The following SNX29 variants were observed in gnomAD, a reference collection of about 807,000 sequenced individuals.
SNX29 encodes the protein sorting nexin 29, also known as sorting nexin-29.
Under a neutral mutation model 102.1 loss-of-function variants are expected in SNX29, and 78 were observed. The observed-to-expected ratio is 0.76, with a 90% CI of 0.64 to 0.92. The LOEUF is 0.92. SNX29 is among the 40% of genes least tolerant of loss of function. The pLI, the probability that SNX29 is intolerant of heterozygous loss-of-function variation, is 0.00. For synonymous variants in SNX29, 580 were observed against 414.5 expected (o/e 1.40, Z -4.85); for missense variants, 1,280 against 1,061.7 (o/e 1.21, Z -2.86).
chr16:12,482,563 A>G (rs942373538), intron 19 of SNX29, among the ~76,000 whole-genome samples: 1 of 152,172 alleles, frequency 6.6e-6, no homozygotes, highest in Non-Finnish European at 1.5e-5. Flanking sequence ...CAGCCACCCA[A>G]AGTGCTGGGA....
In SNX29 at chr16:12,569,522, A is replaced by G. The variant is rs1049919493; in HGVS notation, c.*893A>G. ...GGTTTTCAAACCAGGCTCCATGACT[A>G]TGAAGTTGGACCCAGTGTGGACACT... On this transcript the variant is annotated 3_prime_UTR_variant, in exon 21 of 21. Coordinates refer to ENST00000566228, the MANE Select transcript of SNX29 (RefSeq NM_032167.5). 6 of 231,366 alleles carry G rather than the reference A, an allele frequency of 2.6e-5. No homozygotes were observed. Among genetic ancestry groups the G allele is most frequent in the East Asian group, 6.1e-5 (1 of 16,346 alleles). 14.3% of individuals were successfully genotyped at this position (231,366 alleles called of 1,614,324 possible). A position where few individuals can be genotyped will look rare whatever the true frequency, so the allele number is the denominator to read the frequency against.
At chr16:12,435,879 G>C (rs892199479) in intron 18 of SNX29, among the ~76,000 whole-genome samples, 2 of 152,206 alleles carry the variant, frequency 1.3e-5, no homozygotes, top group African/African-American at 4.8e-5. Context: ...GGCATCCTGA[G>C]AGAGGGGATG....
rs142535966 is a variant in SNX29, at chr16:12,524,264, C to T, written c.2179-438C>T. Among the ~76,000 whole-genome samples the T allele has an allele frequency of 2.1e-3, 322 of 152,142 alleles. 2 individuals are homozygous for T. The highest frequency in any genetic ancestry group is 3.8e-3 in the Non-Finnish European group (258 of 68,004). Reference sequence around the variant, plus strand: ...AACTCCCCTGAAGGCAAAATTAAGCCGGTGCTCTGGAGTGGCATTTGGTGT... The same window carrying T: ...AACTCCCCTGAAGGCAAAATTAAGCTGGTGCTCTGGAGTGGCATTTGGTGT... On this transcript the variant is annotated intron_variant, in intron 19 of 20. Transcript: ENST00000566228.
At chr16:11,995,355 C>T (rs1299653886) in intron 1 of SNX29, among the ~76,000 whole-genome samples, 1 of 152,148 alleles carries the variant, frequency 6.6e-6, no homozygotes, top group Admixed American at 6.5e-5. Flanking sequence ...GTGTGAGCCA[C>T]TGTGCCTGGC....
chr16:12,060,688 G>A (rs1230137538), intron 8 of SNX29: 1 of 438,160 alleles, frequency 2.3e-6, no homozygotes, highest in Non-Finnish European at 4.6e-6. Flanking sequence ...AGATACTGGG[G>A]GACGGCTATA....
At chr16:12,047,467 G>T (rs2050133856) in intron 6 of SNX29, among the ~76,000 whole-genome samples, 3 of 152,152 alleles carry the variant, frequency 2.0e-5, no homozygotes, top group African/African-American at 7.2e-5. Flanking sequence ...GATGCCAAGT[G>T]TAAGTTTCTG....
intron 13 of SNX29, among the ~76,000 whole-genome samples, chr16:12,137,178 G>T (rs564374984): frequency 2.0e-5 from 3 of 152,218 alleles, no homozygotes; most frequent in Non-Finnish European, 4.4e-5. Context: ...TGTTGGGACG[G>T]TTACATCAGC....
intron 15 of SNX29, among the ~76,000 whole-genome samples, chr16:12,312,771 T>A (rs1208799061): frequency 2.0e-5 from 3 of 151,966 alleles, no homozygotes; most frequent in African/African-American, 2.4e-5. Context: ...AAACTGATAT[T>A]CGTGATGTAT....
At chr16:12,554,436 C>G (rs923857690) in intron 20 of SNX29, among the ~76,000 whole-genome samples, 3 of 152,216 alleles carry the variant, frequency 2.0e-5, no homozygotes, top group South Asian at 2.1e-4. Flanking sequence ...CCTGCTGTTT[C>G]CGCACACCTG....
chr16:12,518,737 A>G (rs1020710838), intron 19 of SNX29, among the ~76,000 whole-genome samples: 2 of 152,210 alleles, frequency 1.3e-5, no homozygotes, highest in African/African-American at 2.4e-5. Context: ...CTGGTGGGCC[A>G]TGTCAGCTAC....
intron 3 of SNX29, among the ~76,000 whole-genome samples, chr16:12,012,309 GTGT>G (rs68147299): frequency 0.089 from 13,530 of 152,214 alleles, 701 homozygotes; most frequent in Middle Eastern, 0.16. Flanking sequence ...GCATGAATGA[GTGT>G]TGTTTGGTTT....
At chr16:12,519,383 T>G (rs772962814) in intron 19 of SNX29, among the ~76,000 whole-genome samples, 1 of 152,182 alleles carries the variant, frequency 6.6e-6, no homozygotes, top group South Asian at 2.1e-4. Context: ...ACTCGTCTTT[T>G]AAAATTCCAG....
intron 19 of SNX29, among the ~76,000 whole-genome samples, chr16:12,516,386 A>T (rs952028736): frequency 2.0e-5 from 3 of 150,632 alleles, no homozygotes; most frequent in South Asian, 2.1e-4. Flanking sequence ...AGGCTGAGGC[A>T]GGAGGATTGC....
intron 14 of SNX29, among the ~76,000 whole-genome samples, chr16:12,232,681 G>A (rs534884668): frequency 1.3e-5 from 2 of 152,272 alleles, no homozygotes; most frequent in South Asian, 2.1e-4. Context: ...AGCCAACAAG[G>A]ACCCTTTTCC....
At chr16:12,091,236 G>C (rs543340450) in intron 11 of SNX29, among the ~76,000 whole-genome samples, 2 of 152,142 alleles carry the variant, frequency 1.3e-5, no homozygotes, top group Middle Eastern at 3.4e-3. Flanking sequence ...CTATTGGGTG[G>C]TGGAGGCAGG....
At position 12,063,441 on chromosome 16, in the gene SNX29, C is replaced by G. The variant is rs140366639; in HGVS notation, c.1243+1795C>G. Among the ~76,000 whole-genome samples, 9 of 127,968 alleles carry G rather than the reference C, an allele frequency of 7.0e-5. No homozygotes were observed. The East Asian group carries it at 2.2e-3, about 31-fold the overall frequency. 84.0% of individuals were successfully genotyped at this position (127,968 alleles called of 152,430 possible). Reference sequence around the variant, plus strand: ...CCAGGCTGGAGTGCAATGGCATGATCTTGGCTCACTGCAACCTCCGCCTTC... The same window carrying G: ...CCAGGCTGGAGTGCAATGGCATGATGTTGGCTCACTGCAACCTCCGCCTTC... On this transcript the variant is annotated intron_variant, in intron 9 of 20. Transcript: ENST00000566228.
intron 20 of SNX29, among the ~76,000 whole-genome samples, chr16:12,547,569 C>G (rs1036223589): frequency 6.6e-6 from 1 of 152,044 alleles, no homozygotes; most frequent in Non-Finnish European, 1.5e-5. Flanking sequence ...TAACATCCCC[C>G]TCCCTCACGA....
chr16:12,462,103 A>G (rs2086831234), intron 18 of SNX29, among the ~76,000 whole-genome samples: 1 of 148,480 alleles, frequency 6.7e-6, no homozygotes, highest in African/African-American at 2.5e-5. Flanking sequence ...AACACCCTGA[A>G]CACCCTGGGC....
intron 16 of SNX29, among the ~76,000 whole-genome samples, chr16:12,381,003 TC>T (rs2083100038): frequency 4.2e-5 from 2 of 47,162 alleles, no homozygotes; most frequent in Admixed American, 2.4e-4. Context: ...CCACCCACCA[TC>T]CATCCACCCA....
Sources: gnomAD v4.1 joint callset for allele counts (sites outside exome capture counted in the v4.1 genomes callset) on GRCh38, gnomAD v4.1.1 for gene constraint, MANE v1.5 for transcripts, NCBI Gene and HGNC (gene_info 2026-07-23, HGNC 2026-07-21) for gene names.